Variants in AKAP13 observed in about 807,000 individuals in gnomAD.
AKAP13 encodes the protein A-kinase anchoring protein 13, also known as A-kinase anchor protein 13.
AKAP13 carries 80 observed loss-of-function variants against 264.5 expected under a neutral mutation model. That is an observed-to-expected ratio of 0.30 (90% CI 0.25 to 0.36). The LOEUF is 0.36. Among genes scored for constraint, AKAP13 ranks in the 10% least tolerant of loss-of-function variants. The pLI is 1.00. For synonymous variants in AKAP13, 1,380 were observed against 1,250.2 expected, an observed-to-expected ratio of 1.10 and a Z score of -2.19; for missense variants, 3,712 against 3,435.2, an observed-to-expected ratio of 1.08 and a Z score of -2.01.
intron 8 of AKAP13, among the ~76,000 whole-genome samples, chr15:85,586,510 C>G (rs887726498): frequency 7.2e-5 from 11 of 152,040 alleles, no homozygotes; most frequent in African/African-American, 2.7e-4. Flanking sequence ...GGCCTATAAA[C>G]CCTTCTTAAA....
chr15:85,739,992 C>G (rs896382390), intron 33 of AKAP13, among the ~76,000 whole-genome samples: 1 of 152,176 alleles, frequency 6.6e-6, no homozygotes, highest in East Asian at 1.9e-4. Context: ...TACATTTTAA[C>G]TTGTGCTGAT....
Position 85,580,092 on chromosome 15 carries a change from G to T in AKAP13, c.2024G>T (p.Ser675Ile), listed in dbSNP as rs369138191. 2 of 1,614,084 alleles carry T rather than the reference G, an allele frequency of 1.2e-6. No individual in the cohort carries two copies. Among genetic ancestry groups the T allele is most frequent in the African/African-American group, 2.7e-5 (2 of 74,930 alleles). ...TGTCAACAGAACACAGTGACTTCTA[G>T]TGGCGATTTGGTTGCAAAACTGTGT... is the stretch of plus-strand genomic sequence containing the variant. Reference protein sequence around the residue: ...SACQQNTVTSSGDLVAKLCDN... With the variant: ...SACQQNTVTSIGDLVAKLCDN... Residue 675 changes from serine (S) to isoleucine (I), a missense_variant, in exon 7 of 37, where the codon AGT (serine) becomes ATT (isoleucine). Ser to Ile is a moderately radical substitution (Grantham distance 142, BLOSUM62 -2). Coordinates refer to ENST00000394518, the MANE Select transcript of AKAP13 (RefSeq NM_007200.5).
intron 30 of AKAP13, among the ~76,000 whole-genome samples, chr15:85,732,204 C>A (rs981525870): frequency 2.0e-5 from 3 of 152,100 alleles, no homozygotes; most frequent in African/African-American, 7.2e-5. Context: ...TGGACGTGAC[C>A]ATAGTAGTCT....
chr15:85,464,430 T>G (rs756596444), intron 1 of AKAP13, among the ~76,000 whole-genome samples: 9 of 152,196 alleles, frequency 5.9e-5, no homozygotes, highest in Non-Finnish European at 1.3e-4. Flanking sequence ...ATGGATAATA[T>G]CTATTCCTGA....
chr15:85,480,846 C>T (rs891606802), intron 1 of AKAP13: 4 of 152,176 alleles, frequency 2.6e-5, no homozygotes, highest in Non-Finnish European at 1.5e-5. Context: ...CGCCACCACA[C>T]CCGGCTAATT....
chr15:85,592,236 ACT>A (rs1216376726), intron 8 of AKAP13, among the ~76,000 whole-genome samples: 2 of 151,934 alleles, frequency 1.3e-5, no homozygotes, highest in South Asian at 2.1e-4. Flanking sequence ...TTAATGGAAC[ACT>A]CTGTTTTCTT....
At chr15:85,530,064 A>G (rs935066300) in intron 3 of AKAP13, among the ~76,000 whole-genome samples, 1 of 152,176 alleles carries the variant, frequency 6.6e-6, no homozygotes, top group African/African-American at 2.4e-5. Flanking sequence ...TTAGTTATAC[A>G]CAGAGCTGAC....
At chr15:85,490,127 A>C (rs1355567151) in intron 2 of AKAP13, among the ~76,000 whole-genome samples, 1 of 152,226 alleles carries the variant, frequency 6.6e-6, no homozygotes. Flanking sequence ...TGAGTAGCTT[A>C]GTAGTATCCT....
intron 4 of AKAP13, chr15:85,536,520 G>T (rs11636764): frequency 2.0e-5 from 3 of 151,942 alleles, no homozygotes; most frequent in Non-Finnish European, 4.4e-5. Flanking sequence ...GTCTGTGCAC[G>T]GACGTGCTCA....
intron 5 of AKAP13, among the ~76,000 whole-genome samples, chr15:85,549,145 AGGACTTGATGTAG>A (rs940502533): frequency 9.9e-5 from 15 of 152,274 alleles, no homozygotes; most frequent in East Asian, 9.6e-4. Flanking sequence ...TACTTGATGT[AGGACTTGATGTAG>A]GGACTTGATG....
At chr15:85,605,667 G>A (rs1357922535) in intron 8 of AKAP13, among the ~76,000 whole-genome samples, 1 of 152,128 alleles carries the variant, frequency 6.6e-6, no homozygotes, top group Non-Finnish European at 1.5e-5. Context: ...TGGGATATAA[G>A]CTTATAAATA....
intron 1 of AKAP13, among the ~76,000 whole-genome samples, chr15:85,418,186 C>T (rs1214449962): frequency 6.6e-6 from 1 of 151,896 alleles, no homozygotes; most frequent in Non-Finnish European, 1.5e-5. Flanking sequence ...AGGGACCCTC[C>T]TGCCTCAGCC....
intron 5 of AKAP13, among the ~76,000 whole-genome samples, chr15:85,562,574 A>AAAAAAAATATATAT (rs1351834745): frequency 2.6e-5 from 2 of 77,670 alleles, no homozygotes; most frequent in African/African-American, 8.0e-5. Context: ...CAAAAAAAAA[A>AAAAAAAATATATAT]ATATATATAT....
At chr15:85,457,069 T>C (rs2074306448) in intron 1 of AKAP13, among the ~76,000 whole-genome samples, 1 of 152,214 alleles carries the variant, frequency 6.6e-6, no homozygotes, top group Admixed American at 6.5e-5. Context: ...CCCTTTTTTC[T>C]GATCAGTAAC....
chr15:85,517,078 T>C (rs2151139705), intron 2 of AKAP13, among the ~76,000 whole-genome samples: 1 of 152,340 alleles, frequency 6.6e-6, no homozygotes, highest in East Asian at 1.9e-4. Context: ...TGAGCACTCA[T>C]GAGCCTACAC....
At chr15:85,577,130 C>A (rs1005221997) in intron 6 of AKAP13, among the ~76,000 whole-genome samples, 1 of 152,216 alleles carries the variant, frequency 6.6e-6, no homozygotes. Context: ...TGCTTGTACA[C>A]TCTACTAGAA....
At chr15:85,642,560 G>A (rs766791986) in intron 9 of AKAP13, among the ~76,000 whole-genome samples, 21 of 152,252 alleles carry the variant, frequency 1.4e-4, no homozygotes, top group South Asian at 4.1e-4. Context: ...GCCCCATGGC[G>A]TTAGGGGGTT....
intron 1 of AKAP13, among the ~76,000 whole-genome samples, chr15:85,406,102 T>G (rs2071648022): frequency 6.6e-6 from 1 of 152,234 alleles, no homozygotes; most frequent in Non-Finnish European, 1.5e-5. Context: ...TCCTCCTGCC[T>G]TGGCGTCCCA....
intron 1 of AKAP13, among the ~76,000 whole-genome samples, chr15:85,385,658 C>T (rs1266308301): frequency 6.6e-6 from 1 of 152,130 alleles, no homozygotes; most frequent in African/African-American, 2.4e-5. Context: ...TTCATTTGCC[C>T]AATGACTAAT....
Sources: gnomAD v4.1 joint callset for allele counts (sites outside exome capture counted in the v4.1 genomes callset) on GRCh38, gnomAD v4.1.1 for gene constraint, MANE v1.5 for transcripts, NCBI Gene and HGNC (gene_info 2026-07-23, HGNC 2026-07-21) for gene names.